ARHGAP5: variants seen among roughly 807,000 people sequenced by gnomAD.
ARHGAP5 encodes Rho GTPase activating protein 5, also known as rho GTPase-activating protein 5.
A neutral mutation model predicts 116.6 loss-of-function variants in ARHGAP5; 23 were observed. That is an observed-to-expected ratio of 0.20 (90% CI 0.14 to 0.28). The LOEUF (loss-of-function observed/expected upper bound fraction) is 0.28. ARHGAP5 is among the 10% of genes least tolerant of loss of function. ARHGAP5 has a pLI of 1.00. For synonymous variants in ARHGAP5, 574 were observed against 602.0 expected, an observed-to-expected ratio of 0.95 and a Z score of 0.68; for missense variants, 1,405 against 1,774.8, an observed-to-expected ratio of 0.79 and a Z score of 3.74.
chr14:32,079,558 ATTAT>A (rs1260753565), intron 1 of ARHGAP5, among the ~76,000 whole-genome samples: 2 of 152,204 alleles, frequency 1.3e-5, no homozygotes, highest in Non-Finnish European at 2.9e-5. Context: ...GAAAGTTAAG[ATTAT>A]TTAAGGAATG....
chr14:32,077,433 T>C lies in ARHGAP5; in HGVS notation c.-171T>C. On this transcript the variant is annotated splice_region_variant and 5_prime_UTR_variant, in exon 1 of 7. Coordinates refer to ENST00000345122, the MANE Select transcript of ARHGAP5 (RefSeq NM_001030055.2). ...AGGAGACGGAGGAGACCGACGTTGT[T>C]AGGTAGGACCTTGCGGACCCCGCTC... 1 of 704,660 alleles carries C rather than the reference T, an allele frequency of 1.4e-6. No individual in the cohort carries two copies. Among genetic ancestry groups the C allele is most frequent in the Non-Finnish European group, 2.6e-6 (1 of 386,406 alleles). 43.7% of individuals were successfully genotyped at this position (704,660 alleles called of 1,614,324 possible).
At chr14:32,095,412 T>G (rs957782997) in intron 2 of ARHGAP5, among the ~76,000 whole-genome samples, 13 of 150,328 alleles carry the variant, frequency 8.6e-5, no homozygotes, top group East Asian at 1.9e-4. Context: ...TTTTTTTTTT[T>G]TTTGTTTTTT....
intron 1 of ARHGAP5, among the ~76,000 whole-genome samples, chr14:32,089,942 G>A (rs984923022): frequency 1.3e-5 from 2 of 151,666 alleles, no homozygotes; most frequent in African/African-American, 2.4e-5. Context: ...TTAATTTTGG[G>A]GGGGTATAAC....
At chr14:32,117,367 A>G in intron 3 of ARHGAP5, 80 bp downstream of exon 3, 2 of 1,275,562 alleles carry the variant, frequency 1.6e-6, no homozygotes, top group East Asian at 2.4e-5. Flanking sequence ...AATGTTTGTG[A>G]TTTGTTAATA....
chr14:32,122,454 G>A, intron 3 of ARHGAP5, among the ~76,000 whole-genome samples: 1 of 152,126 alleles, frequency 6.6e-6, no homozygotes, highest in Non-Finnish European at 1.5e-5. Flanking sequence ...TCTCCATTCT[G>A]TGGGTCATTT....
intron 2 of ARHGAP5, among the ~76,000 whole-genome samples, chr14:32,095,401 G>GTT (rs869055864): frequency 2.3e-3 from 284 of 120,878 alleles, no homozygotes; most frequent in African/African-American, 6.1e-3. Flanking sequence ...TGTAAACTTT[G>GTT]TTTTTTTTTT....
intron 1 of ARHGAP5, chr14:32,078,390 T>C (rs2041735584): frequency 6.6e-6 from 1 of 152,238 alleles, no homozygotes; most frequent in Admixed American, 6.5e-5. Flanking sequence ...AAATTCGGAT[T>C]TGGCCATCGC....
Position 32,077,307 on chromosome 14 carries a change from G to T in ARHGAP5, c.-297G>T, listed in dbSNP as rs1469756509. ...CGCGCCGCTCGGTGAGCGCGCCGAGGAAGAGAGGCGAGCGGAGAGTGGAGG... is the reference window on the plus strand; with the variant it reads ...CGCGCCGCTCGGTGAGCGCGCCGAGTAAGAGAGGCGAGCGGAGAGTGGAGG... On this transcript the variant is annotated 5_prime_UTR_variant, in exon 1 of 7. Coordinates refer to ENST00000345122, the MANE Select transcript of ARHGAP5 (RefSeq NM_001030055.2). 4 of 676,572 alleles carry T rather than the reference G, an allele frequency of 5.9e-6. No homozygotes were observed. In the Admixed American group the frequency reaches 8.3e-5, roughly 14 times the overall value. The allele number at this position is 676,572 out of a possible 1,614,324, so 41.9% of individuals were successfully genotyped here.
At chr14:32,129,835 T>C (rs1377373079) in intron 3 of ARHGAP5, among the ~76,000 whole-genome samples, 1 of 152,196 alleles carries the variant, frequency 6.6e-6, no homozygotes, top group Non-Finnish European at 1.5e-5. Context: ...AACCTCTGGT[T>C]ACTCTGTGTT....
At chr14:32,089,688 G>A (rs2041865173) in intron 1 of ARHGAP5, among the ~76,000 whole-genome samples, 1 of 151,824 alleles carries the variant, frequency 6.6e-6, no homozygotes, top group South Asian at 2.1e-4. Flanking sequence ...TAACTATTAT[G>A]AGAGGAAGTA....
intron 3 of ARHGAP5, among the ~76,000 whole-genome samples, chr14:32,120,658 G>A (rs1224888138): frequency 4.8e-5 from 7 of 145,496 alleles, no homozygotes; most frequent in African/African-American, 1.0e-4. Flanking sequence ...CTAAATATTT[G>A]GTGGTTTTCC....
At chr14:32,147,559 G>C (rs1345233545) in intron 4 of ARHGAP5, among the ~76,000 whole-genome samples, 2 of 152,186 alleles carry the variant, frequency 1.3e-5, no homozygotes, top group Non-Finnish European at 2.9e-5. Flanking sequence ...GATTCAGATA[G>C]CTTTGCTAGA....
Position 32,092,366 on chromosome 14 carries a change from T to C in ARHGAP5, c.1697T>C (p.Ile566Thr), listed in dbSNP as rs145387405. 1.9e-6 allele frequency: 3 copies of C among 1,613,586 alleles called. No individual in the cohort carries two copies. The African/African-American group carries it at 4.0e-5, about 22-fold the overall frequency. ...TCLSGQNCTD[I>T]KVEQLLASSL... ...CTTAGTGGCCAAAATTGTACAGACA[T>C]TAAAGTGGAGCAGTTACTTGCTAGT... Residue 566 changes from isoleucine (I) to threonine (T), a missense_variant, in exon 2 of 7, where the codon ATT becomes ACT. Ile to Thr is a moderately conservative substitution (Grantham distance 89). Around this residue, in one of 6 missense-constraint regions of ARHGAP5, gnomAD observed 944 missense variants for 1,095.3 expected, o/e 0.86. Transcript: ENST00000345122. The surrounding 1 kb of genome is among the most constrained non-coding windows in gnomAD (Gnocchi z 4.1).
At chr14:32,083,102 C>T (rs2041794748) in intron 1 of ARHGAP5, among the ~76,000 whole-genome samples, 1 of 152,248 alleles carries the variant, frequency 6.6e-6, no homozygotes, top group Non-Finnish European at 1.5e-5. Flanking sequence ...GACGACTTTA[C>T]AATCCAAATC....
At chr14:32,105,422 T>C (rs1878965918) in intron 2 of ARHGAP5, among the ~76,000 whole-genome samples, 1 of 152,156 alleles carries the variant, frequency 6.6e-6, no homozygotes, top group African/African-American at 2.4e-5. Flanking sequence ...CACAAATACC[T>C]TTTTTAAAGA....
At position 32,154,623 on chromosome 14, in the gene ARHGAP5, T is replaced by C; in HGVS notation, c.4184T>C (p.Val1395Ala). 6.2e-7 allele frequency: 1 copy of C among 1,600,036 alleles called. No homozygotes were observed. The highest frequency in any genetic ancestry group is 8.5e-7 in the Non-Finnish European group (1 of 1,170,844). The change falls in exon 7 of 7, where the codon GTT becomes GCT. Residue 1395 changes from valine to alanine, a missense_variant and splice_region_variant. Transcript: ENST00000345122. ...GTTTTTTCCTTTCATAATTTCAGGG[T>C]TAGTCAGCAACATAAAATCAACCTA... Reference protein sequence around the residue: ...FRYVITHLNRVSQQHKINLMT... With the variant: ...FRYVITHLNRASQQHKINLMT...
intron 3 of ARHGAP5, among the ~76,000 whole-genome samples, chr14:32,126,794 T>A (rs79540981): frequency 0.089 from 13,509 of 151,588 alleles, 987 homozygotes; most frequent in Admixed American, 0.25. Context: ...TTTCTTTTTT[T>A]GGGGGGGGAG....
intron 3 of ARHGAP5, among the ~76,000 whole-genome samples, chr14:32,142,038 C>T (rs796190649): frequency 6.6e-6 from 1 of 152,220 alleles, no homozygotes; most frequent in African/African-American, 2.4e-5. Flanking sequence ...CTCAACCTCT[C>T]TGGTGAAGTT....
chr14:32,093,067 C>G lies in ARHGAP5; in HGVS notation c.2398C>G (p.Leu800Val), dbSNP rs776464378. Residue 800 changes from leucine (L) to valine (V), a missense_variant, in exon 2 of 7, where the codon CTT becomes GTT. This residue lies in a region of ARHGAP5 where 944 missense variants were observed against 1,095.3 expected (regional missense o/e 0.86). Transcript: ENST00000345122. ...FSVDLILSPF[L>V]DSHSCSAAQA... ...TGTGGATCTTATTCTTTCACCCTTC[C>G]TTGATTCTCATTCTTGCAGTGCTGC... 2 of 1,613,800 alleles carry G rather than the reference C, an allele frequency of 1.2e-6. No homozygotes were observed. The highest frequency in any genetic ancestry group is 2.2e-5 in the East Asian group (1 of 44,862).
Sources: gnomAD v4.1 joint callset for allele counts (sites outside exome capture counted in the v4.1 genomes callset) on GRCh38, gnomAD v4.1.1 for gene constraint, gnomAD v4.1.1 regional missense constraint, Gnocchi (gnomAD v3.1) non-coding constraint, MANE v1.5 for transcripts, NCBI Gene and HGNC (gene_info 2026-07-23, HGNC 2026-07-21) for gene names.